The following PID1 variants were observed in gnomAD, a reference collection of about 807,000 sequenced individuals.
PID1 encodes the protein phosphotyrosine interaction domain containing 1.
Under a neutral mutation model 19.1 loss-of-function variants are expected in PID1, and 10 were observed. The ratio of observed to expected loss-of-function variants is 0.52; its 90% CI spans 0.32 to 0.89. The LOEUF (loss-of-function observed/expected upper bound fraction) is 0.89, where lower values mean the gene tolerates loss of function less well. Ranked by LOEUF, PID1 falls within the 40% of genes least tolerant of loss-of-function variation. The pLI, the probability that PID1 is intolerant of heterozygous loss-of-function variation, is 0.03. For missense variants in PID1, 248 were observed against 285.3 expected (o/e 0.87, Z 0.94); for synonymous variants, 130 against 116.0 (o/e 1.12, Z -0.78).
At chr2:229,210,525 CAAAAAAAAAAAAA>C (rs1170895327) in intron 1 of PID1, among the ~76,000 whole-genome samples, 4 of 15,536 alleles carry the variant, frequency 2.6e-4, no homozygotes, top group Admixed American at 1.4e-3. Context: ...AGTTTTGTCT[CAAAAAAAAAAAAA>C]AAAAAAAAAA....
At chr2:229,040,713 A>G (rs912736632) in intron 2 of PID1, among the ~76,000 whole-genome samples, 1 of 152,218 alleles carries the variant, frequency 6.6e-6, no homozygotes, top group African/African-American at 2.4e-5. Context: ...CTCAAATAAC[A>G]TTTTAACACA....
chr2:229,167,936 A>G (rs1014886276), intron 1 of PID1, among the ~76,000 whole-genome samples: 1 of 151,406 alleles, frequency 6.6e-6, no homozygotes, highest in Non-Finnish European at 1.5e-5. Context: ...TTTTAGAACT[A>G]ACTTTAGATT....
chr2:229,231,681 C>G (rs951652431), intron 1 of PID1, among the ~76,000 whole-genome samples: 3 of 152,072 alleles, frequency 2.0e-5, no homozygotes, highest in African/African-American at 7.2e-5. Context: ...TTCAGAAGAA[C>G]AGAAGAACAC....
chr2:229,189,045 C>T (rs1691198644), intron 1 of PID1, among the ~76,000 whole-genome samples: 1 of 152,134 alleles, frequency 6.6e-6, no homozygotes, highest in Non-Finnish European at 1.5e-5. Context: ...TCTTAGGTTA[C>T]CCTTAAATCA....
In PID1 at chr2:229,184,318, ATG is replaced by A. The variant is rs1488984508; in HGVS notation, c.31-28356_31-28355del. Among the ~76,000 whole-genome samples the A allele has an allele frequency of 1.5e-3, 194 of 129,542 alleles. 66 individuals are homozygous for A. Among genetic ancestry groups the A allele is most frequent in the African/African-American group, 5.4e-3 (180 of 33,100 alleles). The allele number at this position is 129,542 out of a possible 152,430, so 85.0% of individuals were successfully genotyped here. ...TATATATCCCATGTATATATATCCC[ATG>A]TATATATATCCCATATATATATCCC... is the stretch of plus-strand genomic sequence containing the variant. On this transcript the variant is annotated intron_variant, in intron 1 of 2. Coordinates refer to ENST00000392055, the MANE Select transcript of PID1 (RefSeq NM_001100818.2).
chr2:229,117,129 A>G (rs901525220), intron 2 of PID1, among the ~76,000 whole-genome samples: 7 of 152,218 alleles, frequency 4.6e-5, no homozygotes, highest in Non-Finnish European at 8.8e-5. Flanking sequence ...CCGGATCAAT[A>G]CAGCCAAGAT....
At chr2:229,098,374 T>C (rs1179295548) in intron 2 of PID1, among the ~76,000 whole-genome samples, 1 of 152,190 alleles carries the variant, frequency 6.6e-6, no homozygotes, top group African/African-American at 2.4e-5. Context: ...ATTTAGCAAA[T>C]GTTCTAATGG....
chr2:229,057,890 C>A (rs373988477), intron 2 of PID1, among the ~76,000 whole-genome samples: 7 of 152,280 alleles, frequency 4.6e-5, no homozygotes, highest in African/African-American at 1.7e-4. Flanking sequence ...GCAGAAGATA[C>A]GTAAAATCAG....
At chr2:229,220,474 G>A (rs1487652500) in intron 1 of PID1, among the ~76,000 whole-genome samples, 2 of 152,146 alleles carry the variant, frequency 1.3e-5, no homozygotes, top group African/African-American at 4.8e-5. Flanking sequence ...GGACTCCAAC[G>A]GCCCATGCTC....
At chr2:229,082,035 G>C (rs2106211343) in intron 2 of PID1, among the ~76,000 whole-genome samples, 1 of 152,272 alleles carries the variant, frequency 6.6e-6, no homozygotes, top group African/African-American at 2.4e-5. Context: ...CAGAAAATGT[G>C]CATAAAACCT....
Position 229,026,344 on chromosome 2 carries a change from T to G in PID1, c.178-236A>C, listed in dbSNP as rs1004648955. On this transcript the variant is annotated intron_variant, in intron 2 of 2. Transcript: ENST00000392055. The stretch of plus-strand genomic sequence containing the variant: ...AATAGAGTTGGATTTTAAAATCTAA[T>G]TTCTAGAGAACTACTCTCCCTCTCC... Among the ~76,000 whole-genome samples, 4 of 152,354 alleles carry G rather than the reference T, an allele frequency of 2.6e-5. No individual in the cohort carries two copies. In the East Asian group the frequency reaches 7.7e-4, roughly 29 times the overall value.
intron 2 of PID1, among the ~76,000 whole-genome samples, chr2:229,066,603 T>C (rs1694332159): frequency 6.6e-6 from 1 of 152,136 alleles, no homozygotes; most frequent in African/African-American, 2.4e-5. Context: ...CAAAGTGTGA[T>C]GATACTTGGG....
In PID1 at chr2:229,270,965, C is replaced by T. The variant is rs754497500; in HGVS notation, c.30+49G>A. 5.4e-6 allele frequency: 8 copies of T among 1,484,896 alleles called. No homozygotes were observed. In the South Asian group the frequency reaches 7.6e-5, roughly 14 times the overall value. 92.0% of individuals were successfully genotyped at this position (1,484,896 alleles called of 1,614,324 possible). On this transcript the variant is annotated intron_variant, in intron 1 of 2. Coordinates refer to ENST00000392055, the MANE Select transcript of PID1 (RefSeq NM_001100818.2). Reference sequence around the variant, plus strand: ...GAAGCAAAAACTAGGTTCCTCTGCCCGGGCACCTCCTCCTCCAGGCTGGCC... The same window carrying T: ...GAAGCAAAAACTAGGTTCCTCTGCCTGGGCACCTCCTCCTCCAGGCTGGCC...
At chr2:229,145,061 G>T (rs1049329167) in intron 2 of PID1, among the ~76,000 whole-genome samples, 3 of 150,062 alleles carry the variant, frequency 2.0e-5, no homozygotes, top group Non-Finnish European at 4.4e-5. Context: ...CTCACATTTG[G>T]TTCCCTCAGT....
At chr2:229,083,464 A>C (rs1288636065) in intron 2 of PID1, among the ~76,000 whole-genome samples, 2 of 152,168 alleles carry the variant, frequency 1.3e-5, no homozygotes, top group East Asian at 1.9e-4. Context: ...CCTCTGCCCA[A>C]ATTTTGAATC....
intron 1 of PID1, among the ~76,000 whole-genome samples, chr2:229,242,494 G>T (rs768311236): frequency 2.0e-5 from 3 of 152,028 alleles, no homozygotes; most frequent in Non-Finnish European, 2.9e-5. Context: ...CCACTCAGCT[G>T]CCTACACTAG....
At chr2:229,068,129 A>G (rs184377798) in intron 2 of PID1, among the ~76,000 whole-genome samples, 2 of 152,310 alleles carry the variant, frequency 1.3e-5, no homozygotes, top group Admixed American at 1.3e-4. Flanking sequence ...TCAGCTGTGA[A>G]GCTGCCCACT....
chr2:229,063,572 T>G (rs1450141009), intron 2 of PID1, among the ~76,000 whole-genome samples: 1 of 152,132 alleles, frequency 6.6e-6, no homozygotes, highest in Non-Finnish European at 1.5e-5. Context: ...CTATTTCATG[T>G]GTGCTAGAGA....
chr2:229,101,860 T>C (rs1278292478), intron 2 of PID1, among the ~76,000 whole-genome samples: 1 of 152,120 alleles, frequency 6.6e-6, no homozygotes, highest in African/African-American at 2.4e-5. Context: ...AACCTACTAA[T>C]GTTATATTAC....
Sources: allele counts gnomAD v4.1 joint callset (sites outside exome capture counted in the v4.1 genomes callset), GRCh38; gene constraint gnomAD v4.1.1; transcripts MANE v1.5; gene names NCBI Gene and HGNC (gene_info 2026-07-23, HGNC 2026-07-21).